COLEC12: variants seen among roughly 807,000 people sequenced by gnomAD.
COLEC12 encodes the protein collectin subfamily member 12.
COLEC12 carries 33 observed loss-of-function variants against 71.1 expected under a neutral mutation model. The ratio of observed to expected loss-of-function variants is 0.46; its 90% CI spans 0.35 to 0.62. The LOEUF (loss-of-function observed/expected upper bound fraction) is 0.62, where lower values mean the gene tolerates loss of function less well. Ranked by LOEUF, COLEC12 falls within the 20% of genes least tolerant of loss-of-function variation. The pLI, the probability that COLEC12 is intolerant of heterozygous loss-of-function variation, is 0.00. For missense variants in COLEC12, 765 were observed against 916.1 expected, an observed-to-expected ratio of 0.84 and a Z score of 2.13; for synonymous variants, 350 against 353.0, an observed-to-expected ratio of 0.99 and a Z score of 0.10.
At chr18:417,249 C>G (rs929384445) in intron 2 of COLEC12, among the ~76,000 whole-genome samples, 1 of 152,086 alleles carries the variant, frequency 6.6e-6, no homozygotes, top group South Asian at 2.1e-4. Context: ...CTGTAAGCAA[C>G]TGTAACACAA....
At chr18:375,756 G>T (rs575101078) in intron 2 of COLEC12, among the ~76,000 whole-genome samples, 26 of 152,270 alleles carry the variant, frequency 1.7e-4, no homozygotes, top group Admixed American at 6.5e-5. Context: ...TGAGTTCCAT[G>T]CAGGCAGAGA....
intron 3 of COLEC12, among the ~76,000 whole-genome samples, chr18:352,168 T>C (rs1216889901): frequency 6.6e-6 from 1 of 152,186 alleles, no homozygotes; most frequent in Non-Finnish European, 1.5e-5. Context: ...GTACACATAC[T>C]CCTAAATCCC....
chr18:499,483 G>A (rs1046804212), intron 1 of COLEC12, among the ~76,000 whole-genome samples: 1 of 152,214 alleles, frequency 6.6e-6, no homozygotes, highest in African/African-American at 2.4e-5. Context: ...CCCTCGGACG[G>A]CAACCCTAGA....
intron 2 of COLEC12, among the ~76,000 whole-genome samples, chr18:392,840 T>G (rs1039583999): frequency 4.6e-5 from 7 of 152,250 alleles, no homozygotes; most frequent in African/African-American, 1.7e-4. Context: ...GAATGACCGG[T>G]TACTTCTCTT....
At position 327,602 on chromosome 18, in the gene COLEC12, C is replaced by T. The variant is rs1913874982; in HGVS notation, c.2063+4066G>A. On this transcript the variant is annotated intron_variant, in intron 8 of 9. Transcript: ENST00000400256. This position sits in a 1 kb window ranked among gnomAD's most constrained non-coding sequence, Gnocchi z 4.0. Reference sequence around the variant, plus strand: ...TGTCACTATTGCCTTCTGTCTGTTCCAGCACTCTCTTTCTCAACCAGGTCT... The same window carrying T: ...TGTCACTATTGCCTTCTGTCTGTTCTAGCACTCTCTTTCTCAACCAGGTCT... Among the ~76,000 whole-genome samples the T allele has an allele frequency of 6.6e-6, 1 of 152,198 alleles. No homozygotes were observed. Among genetic ancestry groups the T allele is most frequent in the African/African-American group, 2.4e-5 (1 of 41,436 alleles).
chr18:344,232 T>C (rs1428044022), intron 5 of COLEC12, among the ~76,000 whole-genome samples: 2 of 152,172 alleles, frequency 1.3e-5, no homozygotes, highest in African/African-American at 4.8e-5. Flanking sequence ...GGCATCCTGA[T>C]TGAGTAGGGG....
chr18:398,770 T>C (rs1278564734), intron 2 of COLEC12, among the ~76,000 whole-genome samples: 1 of 152,214 alleles, frequency 6.6e-6, no homozygotes, highest in Non-Finnish European at 1.5e-5. Flanking sequence ...CAAACTGACA[T>C]TGAAGCCAAC....
intron 3 of COLEC12, among the ~76,000 whole-genome samples, chr18:354,311 C>G (rs145385100): frequency 0.011 from 1,734 of 152,266 alleles, 7 homozygotes; most frequent in Middle Eastern, 0.034. Flanking sequence ...GGTGACTGAG[C>G]GATTCTCTGG....
intron 2 of COLEC12, among the ~76,000 whole-genome samples, chr18:397,700 T>C (rs895028395): frequency 6.6e-6 from 1 of 152,228 alleles, no homozygotes; most frequent in Non-Finnish European, 1.5e-5. Flanking sequence ...TTTTAAGCCA[T>C]GTGTCCATCT....
chr18:396,023 C>T (rs1915563652), intron 2 of COLEC12, among the ~76,000 whole-genome samples: 1 of 152,210 alleles, frequency 6.6e-6, no homozygotes, highest in Non-Finnish European at 1.5e-5. Flanking sequence ...CAAGGAGCTG[C>T]CCCAGGCTCT....
At chr18:482,034 C>T (rs1014761120) in intron 1 of COLEC12, among the ~76,000 whole-genome samples, 3 of 151,996 alleles carry the variant, frequency 2.0e-5, no homozygotes, top group Non-Finnish European at 4.4e-5. Context: ...GAGCATAGCA[C>T]CCGACACGTA....
chr18:496,397 T>C (rs1351219673), intron 1 of COLEC12, among the ~76,000 whole-genome samples: 1 of 151,976 alleles, frequency 6.6e-6, no homozygotes, highest in Non-Finnish European at 1.5e-5. Context: ...TAATGAAAAG[T>C]CAAAAGTATA....
chr18:471,359 T>C (rs1917192577), intron 2 of COLEC12, among the ~76,000 whole-genome samples: 2 of 151,728 alleles, frequency 1.3e-5, no homozygotes, highest in African/African-American at 4.8e-5. Context: ...TAGTTCCTCT[T>C]CCAAATTTTT....
intron 2 of COLEC12, among the ~76,000 whole-genome samples, chr18:439,888 C>T (rs1288350927): frequency 6.6e-6 from 1 of 152,308 alleles, no homozygotes; most frequent in East Asian, 1.9e-4. Flanking sequence ...GGTATCTGCA[C>T]TCCCATGTTC....
At chr18:382,837 T>C (rs983283218) in intron 2 of COLEC12, among the ~76,000 whole-genome samples, 2 of 152,252 alleles carry the variant, frequency 1.3e-5, no homozygotes, top group Non-Finnish European at 2.9e-5. Flanking sequence ...ATTGTACATA[T>C]TCATGAGCAC....
At chr18:431,297 C>T (rs962561720) in intron 2 of COLEC12, among the ~76,000 whole-genome samples, 1 of 152,088 alleles carries the variant, frequency 6.6e-6, no homozygotes, top group African/African-American at 2.4e-5. Flanking sequence ...GCTGCCACGC[C>T]CAACCTATAC....
chr18:429,570 C>G (rs1916262598), intron 2 of COLEC12, among the ~76,000 whole-genome samples: 2 of 152,026 alleles, frequency 1.3e-5, no homozygotes, highest in African/African-American at 4.8e-5. Context: ...TTAGTAGAGA[C>G]AGGGATTTGC....
intron 8 of COLEC12, among the ~76,000 whole-genome samples, chr18:322,141 T>C (rs539415928): frequency 2.8e-5 from 4 of 143,370 alleles, no homozygotes; most frequent in African/African-American, 1.0e-4. Flanking sequence ...TGCTGACTTC[T>C]GGGCATGAGT....
intron 2 of COLEC12, among the ~76,000 whole-genome samples, chr18:451,119 C>T (rs1567911664): frequency 6.6e-6 from 1 of 152,162 alleles, no homozygotes; most frequent in Non-Finnish European, 1.5e-5. Flanking sequence ...CACCTCCATA[C>T]ACCTCTTTCA....
Sources: allele counts gnomAD v4.1 joint callset (sites outside exome capture counted in the v4.1 genomes callset), GRCh38; gene constraint gnomAD v4.1.1; non-coding constraint Gnocchi (gnomAD v3.1); transcripts MANE v1.5; gene names NCBI Gene and HGNC (gene_info 2026-07-23, HGNC 2026-07-21).